LLGL2: variants seen among roughly 807,000 people sequenced by gnomAD.
LLGL2 encodes LLGL2, scribble cell polarity complex component.
LLGL2 carries 81 observed loss-of-function variants against 123.2 expected under a neutral mutation model. The ratio of observed to expected loss-of-function variants is 0.66; its 90% CI spans 0.55 to 0.79. The LOEUF is 0.79. Among genes scored for constraint, LLGL2 ranks in the 30% least tolerant of loss-of-function variants. The probability of loss-of-function intolerance (pLI) is 0.00; values close to 1 mark genes in which losing one functional copy is unlikely to be tolerated. For missense variants in LLGL2, 1,273 were observed against 1,414.6 expected (o/e 0.90, Z 1.61); for synonymous variants, 577 against 594.1 (o/e 0.97, Z 0.42).
In LLGL2 at chr17:75,559,351, G is replaced by C. The variant is rs974373621; in HGVS notation, c.471G>C (p.Gln157His). The change falls in exon 6 of 26, where the codon CAG (glutamine) becomes CAC (histidine). Residue 157 changes from glutamine (Q) to histidine (H), a missense_variant. By Grantham distance (24) the Gln-to-His change is conservative. Transcript: ENST00000392550. This position sits in a 1 kb window ranked among gnomAD's most constrained non-coding sequence, Gnocchi z 4.6. ...GTESGNVFVVQLPAFRALEDR... is the reference protein window; with the variant it reads ...GTESGNVFVVHLPAFRALEDR... ...AGAGTGGCAACGTGTTTGTGGTGCAGCTGCCAGCTTTTCGTGCGCTGGAGG... is the reference window on the plus strand; with the variant it reads ...AGAGTGGCAACGTGTTTGTGGTGCACCTGCCAGCTTTTCGTGCGCTGGAGG... 1 of 1,613,562 alleles carries C rather than the reference G, an allele frequency of 6.2e-7. No homozygotes were observed. The highest frequency in any genetic ancestry group is 8.5e-7 in the Non-Finnish European group (1 of 1,179,976).
In LLGL2 at chr17:75,573,149, G is replaced by C. The variant is rs1347501671; in HGVS notation, c.2596G>C (p.Val866Leu). Residue 866 changes from valine to leucine, a missense_variant, in exon 20 of 26, where the codon GTC becomes CTC. Physicochemically the swap from Val to Leu is conservative, Grantham distance 32. Coordinates refer to ENST00000392550, the MANE Select transcript of LLGL2 (RefSeq NM_001031803.2). ...GGACTACGGGGAGCACCACCTGGCA[G>C]TCCTTACCAACCTGGGCGACATCCA... ...AEDYGEHHLA[V>L]LTNLGDIQVV... 6.8e-6 allele frequency: 11 copies of C among 1,612,982 alleles called. No individual in the cohort carries two copies. The East Asian group carries it at 2.5e-4, about 36-fold the overall frequency.
Position 75,558,826 on chromosome 17 carries a change from GCCTCCTCCAT to G in LLGL2, c.371+202_371+211del, listed in dbSNP as rs2055044745. On this transcript the variant is annotated intron_variant, in intron 5 of 25. Coordinates refer to ENST00000392550, the MANE Select transcript of LLGL2 (RefSeq NM_001031803.2). The surrounding 1 kb of genome is among the most constrained non-coding windows in gnomAD (Gnocchi z 4.0). Reference sequence around the variant, plus strand: ...AGCCTGCCTCCTCCATCCACACCACGCCTCCTCCATCCGCACCCCACCTCCTCCATCCGCA... The same window carrying G: ...AGCCTGCCTCCTCCATCCACACCACGCCGCACCCCACCTCCTCCATCCGCA... 3.5e-5 allele frequency: 16 copies of G among 460,896 alleles called. No homozygotes were observed. Among genetic ancestry groups the G allele is most frequent in the Non-Finnish European group, 6.2e-5 (16 of 257,452 alleles). The allele number at this position is 460,896 out of a possible 1,614,324, so 28.6% of individuals were successfully genotyped here. A position where few individuals can be genotyped will look rare whatever the true frequency, so the allele number is the denominator to read the frequency against.
chr17:75,574,299 TGGGG>T, intron 23 of LLGL2, 39 bp downstream of exon 23: 2 of 239,642 alleles, frequency 8.3e-6, no homozygotes, highest in Non-Finnish European at 1.3e-5. Context: ...GCAGGAGGGG[TGGGG>T]AAGGGGGGTC....
rs2054901190 is a variant in LLGL2 at position 75,556,088 on chromosome 17, T to C, written c.118T>C (p.Tyr40His). ...CCCGCACCAGCCCAGCGCCCTCGGC[T>C]ACAGCCCGTCCCTGCGCATCCTGGC... ...GFPHQPSALG[Y>H]SPSLRILAIG... The change falls in exon 3 of 26, where the codon TAC becomes CAC. Residue 40 changes from tyrosine to histidine, a missense_variant. Coordinates refer to ENST00000392550, the MANE Select transcript of LLGL2 (RefSeq NM_001031803.2). The C allele has an allele frequency of 1.2e-6, 2 of 1,610,010 alleles. No individual in the cohort carries two copies. Among genetic ancestry groups the C allele is most frequent in the African/African-American group, 2.7e-5 (2 of 74,924 alleles).
At chr17:75,543,107 C>T (rs140939369) in intron 1 of LLGL2, 51 of 226,132 alleles carry the variant, frequency 2.3e-4, no homozygotes, top group Non-Finnish European at 3.5e-4. Context: ...CAGGGCCCGC[C>T]GGCCCTCCTT....
chr17:75,562,633 A>G (rs950983882), intron 6 of LLGL2: 22 of 237,018 alleles, frequency 9.3e-5, no homozygotes, highest in Admixed American at 1.9e-4. Flanking sequence ...CAGTGGCACG[A>G]TCTCGGCTCA....
At position 75,544,301 on chromosome 17, in the gene LLGL2, C is replaced by T. The variant is rs143957131; in HGVS notation, c.75+800C>T. Among the ~76,000 whole-genome samples, 115 of 152,284 alleles carry T rather than the reference C, an allele frequency of 7.6e-4. No individual in the cohort carries two copies. Among genetic ancestry groups the T allele is most frequent in the African/African-American group, 2.4e-3 (100 of 41,548 alleles). ...CTGGGACACTGTGATCCTCTTCCCCCGGGGAGCCAGGACCCTCCCAATATG... is the reference window on the plus strand; with the variant it reads ...CTGGGACACTGTGATCCTCTTCCCCTGGGGAGCCAGGACCCTCCCAATATG... On this transcript the variant is annotated intron_variant, in intron 2 of 25. Coordinates refer to ENST00000392550, the MANE Select transcript of LLGL2 (RefSeq NM_001031803.2). This position sits in a 1 kb window ranked among gnomAD's most constrained non-coding sequence, Gnocchi z 4.2.
At chr17:75,569,801 CAAAAA>C (rs567857752) in intron 14 of LLGL2, among the ~76,000 whole-genome samples, 157 bp from the exon 15 acceptor site, 5 of 130,608 alleles carry the variant, frequency 3.8e-5, no homozygotes, top group Non-Finnish European at 6.8e-5. Flanking sequence ...AGACTTGTCT[CAAAAA>C]AAAAAAAAAA....
At chr17:75,563,577 A>G in intron 8 of LLGL2, 114 bp downstream of exon 8, 1 of 1,525,740 alleles carries the variant, frequency 6.6e-7, no homozygotes. Context: ...GCTTTGTCCA[A>G]AGCCACACAG....
At chr17:75,530,619 C>T (rs188144499) in intron 1 of LLGL2, among the ~76,000 whole-genome samples, 3,208 of 146,878 alleles carry the variant, frequency 0.022, 41 homozygotes, top group Non-Finnish European at 0.033. Flanking sequence ...CACTGCACTC[C>T]AGCCTGGGCG....
At chr17:75,537,500 C>G (rs963304936) in intron 1 of LLGL2, among the ~76,000 whole-genome samples, 1 of 152,072 alleles carries the variant, frequency 6.6e-6, no homozygotes, top group African/African-American at 2.4e-5. Context: ...TCGAGACCAG[C>G]CTGGCCAATA....
chr17:75,567,967 A>C, intron 10 of LLGL2: 1 of 682,386 alleles, frequency 1.5e-6, no homozygotes, highest in Non-Finnish European at 1.8e-6. Flanking sequence ...AAAAAAAAAG[A>C]CAAATGGTTT....
intron 1 of LLGL2, chr17:75,533,713 G>A (rs975928875): frequency 2.0e-5 from 3 of 152,180 alleles, no homozygotes; most frequent in Non-Finnish European, 2.9e-5. Flanking sequence ...AAGGTGAGAA[G>A]CCTGACTGAC....
At position 75,559,824 on chromosome 17, in the gene LLGL2, A is replaced by G. The variant is rs1671032; in HGVS notation, c.530+414A>G. On this transcript the variant is annotated intron_variant, in intron 6 of 25. Coordinates refer to ENST00000392550, the MANE Select transcript of LLGL2 (RefSeq NM_001031803.2). The surrounding 1 kb of genome is among the most constrained non-coding windows in gnomAD (Gnocchi z 4.6). The stretch of plus-strand genomic sequence containing the variant: ...TTTGCTGAGGTTCCATTTGCTCGCA[A>G]GCTCCGTGGCTAAAAAGCCTTGACC... Among the ~76,000 whole-genome samples, 74,215 of 152,062 alleles carry G rather than the reference A, an allele frequency of 0.49. 21,844 individuals carry two copies. Among genetic ancestry groups the G allele is most frequent in the African/African-American group, 0.84 (34,855 of 41,484 alleles).
At chr17:75,527,011 TAAAA>T (rs529225817) in intron 1 of LLGL2, among the ~76,000 whole-genome samples, 5 of 150,788 alleles carry the variant, frequency 3.3e-5, no homozygotes, top group Non-Finnish European at 5.9e-5. Flanking sequence ...CTGCAAATAA[TAAAA>T]AAAGTTAGCC....
chr17:75,529,569 A>G (rs961551386), intron 1 of LLGL2, among the ~76,000 whole-genome samples: 1 of 151,406 alleles, frequency 6.6e-6, no homozygotes, highest in Non-Finnish European at 1.5e-5. Context: ...AACAAAAAAT[A>G]AAAAAAAATT....
intron 1 of LLGL2, among the ~76,000 whole-genome samples, chr17:75,529,894 T>C (rs1014321258): frequency 2.0e-5 from 3 of 152,000 alleles, no homozygotes; most frequent in Admixed American, 6.5e-5. Flanking sequence ...AAAAAAAGAT[T>C]TTTAGTGTCT....
intron 1 of LLGL2, among the ~76,000 whole-genome samples, chr17:75,542,276 G>GC (rs2054243793): frequency 6.6e-6 from 1 of 151,990 alleles, no homozygotes; most frequent in African/African-American, 2.4e-5. Flanking sequence ...CCCACTTCGG[G>GC]CCAGGTGTTC....
At chr17:75,543,598 C>A in intron 2 of LLGL2, 97 bp downstream of exon 2, 1 of 860,558 alleles carries the variant, frequency 1.2e-6, no homozygotes, top group Non-Finnish European at 1.8e-6. Flanking sequence ...AGGTATAGCT[C>A]TTATGTGACT....
Sources: gnomAD v4.1 joint callset for allele counts (sites outside exome capture counted in the v4.1 genomes callset) on GRCh38, gnomAD v4.1.1 for gene constraint, Gnocchi (gnomAD v3.1) non-coding constraint, MANE v1.5 for transcripts, NCBI Gene and HGNC (gene_info 2026-07-23, HGNC 2026-07-21) for gene names.